Variants in DLGAP2 observed in about 807,000 individuals in gnomAD.
The protein encoded by DLGAP2 is DLG associated protein 2, also known as disks large-associated protein 2.
In DLGAP2, 26 loss-of-function variants were observed where a neutral mutation model predicts 100.3. That is an observed-to-expected ratio of 0.26 (90% CI 0.19 to 0.36). The LOEUF is 0.36. DLGAP2 is among the 10% of genes least tolerant of loss of function. DLGAP2 has a pLI of 1.00. For missense variants in DLGAP2, 1,858 were observed against 1,453.2 expected, an observed-to-expected ratio of 1.28 and a Z score of -4.53; for synonymous variants, 886 against 630.1, an observed-to-expected ratio of 1.41 and a Z score of -6.08.
chr8:1,182,249 C>T (rs1178205706), intron 2 of DLGAP2, among the ~76,000 whole-genome samples: 2 of 152,252 alleles, frequency 1.3e-5, no homozygotes, highest in African/African-American at 4.8e-5. Context: ...GGGGCGACTG[C>T]CATGTTCCTG....
At chr8:963,527 T>G (rs1284774406) in intron 2 of DLGAP2, among the ~76,000 whole-genome samples, 1 of 152,228 alleles carries the variant, frequency 6.6e-6, no homozygotes, top group East Asian at 1.9e-4. Flanking sequence ...TGGATGACTA[T>G]TAAAGTAAGC....
intron 8 of DLGAP2, among the ~76,000 whole-genome samples, chr8:1,663,179 G>A (rs570488169): frequency 1.3e-5 from 2 of 150,640 alleles, no homozygotes; most frequent in East Asian, 3.9e-4. Context: ...GTGTACACGT[G>A]TGAGTGTGGG....
chr8:1,315,259 G>A (rs534999317), intron 3 of DLGAP2, among the ~76,000 whole-genome samples: 6 of 151,770 alleles, frequency 4.0e-5, no homozygotes, highest in South Asian at 4.2e-4. Context: ...GTCTACACTC[G>A]AGAAACTCGG....
intron 1 of DLGAP2, among the ~76,000 whole-genome samples, chr8:827,330 T>G (rs1234724555): frequency 2.0e-5 from 3 of 152,194 alleles, no homozygotes; most frequent in Non-Finnish European, 4.4e-5. Context: ...TTTTCATGGG[T>G]GTTCTTAGGG....
chr8:1,220,664 T>C (rs1326670260), intron 2 of DLGAP2, among the ~76,000 whole-genome samples: 1 of 152,212 alleles, frequency 6.6e-6, no homozygotes, highest in Non-Finnish European at 1.5e-5. Flanking sequence ...TTGTTAGTTT[T>C]CTACCTCAAT....
At position 1,627,271 on chromosome 8, in the gene DLGAP2, C is replaced by A. The variant is rs946239662; in HGVS notation, c.1590+384C>A. 2.0e-5 allele frequency among the ~76,000 whole-genome samples: 3 copies of A among 152,178 alleles called. No individual in the cohort carries two copies. In the East Asian group the frequency reaches 5.8e-4, roughly 29 times the overall value. ...TCTCAGCTCTGTCCTCTGAATTGTG[C>A]CTCAGAAAGTCCTGTGAGAGGATAG... On this transcript the variant is annotated intron_variant, in intron 7 of 14. Coordinates refer to ENST00000637795, the MANE Select transcript of DLGAP2 (RefSeq NM_001346810.2).
intron 5 of DLGAP2, among the ~76,000 whole-genome samples, chr8:1,550,348 G>T (rs971249577): frequency 6.6e-6 from 1 of 152,216 alleles, no homozygotes; most frequent in Non-Finnish European, 1.5e-5. Flanking sequence ...CAGCTCTCAT[G>T]CGTGAGTCTG....
intron 2 of DLGAP2, among the ~76,000 whole-genome samples, chr8:1,045,477 C>T (rs184207671): frequency 1.8e-4 from 27 of 152,332 alleles, no homozygotes; most frequent in African/African-American, 6.3e-4. Context: ...ATGCATTACT[C>T]ACACACTATC....
intron 2 of DLGAP2, among the ~76,000 whole-genome samples, chr8:941,047 C>T (rs1014336126): frequency 6.6e-6 from 1 of 152,178 alleles, no homozygotes; most frequent in Admixed American, 6.5e-5. Context: ...ACCAGAAGCA[C>T]GGTACAGAGC....
intron 8 of DLGAP2, among the ~76,000 whole-genome samples, chr8:1,651,637 T>C (rs4398948): frequency 0.36 from 54,588 of 152,100 alleles, 9,836 homozygotes; most frequent in East Asian, 0.48. Context: ...ACAGCTCCAA[T>C]GGCTTAAGCC....
At chr8:1,476,496 A>T (rs932027809) in intron 3 of DLGAP2, among the ~76,000 whole-genome samples, 25 of 152,112 alleles carry the variant, frequency 1.6e-4, no homozygotes, top group Admixed American at 1.6e-3. Context: ...AGCTGAGTCA[A>T]ACTGATTTCC....
chr8:1,184,344 G>T (rs1043716760), intron 2 of DLGAP2, among the ~76,000 whole-genome samples: 1 of 152,282 alleles, frequency 6.6e-6, no homozygotes, highest in Admixed American at 6.5e-5. Context: ...CCGAAACGCA[G>T]ACTGGAGTGT....
chr8:1,496,715 G>C (rs1177610818), intron 3 of DLGAP2, among the ~76,000 whole-genome samples: 5 of 152,176 alleles, frequency 3.3e-5, no homozygotes, highest in Non-Finnish European at 5.9e-5. Context: ...AGGGTGATCA[G>C]AGATGTTAGA....
intron 3 of DLGAP2, among the ~76,000 whole-genome samples, chr8:1,323,036 T>G (rs1488280367): frequency 2.0e-5 from 3 of 151,942 alleles, no homozygotes; most frequent in Non-Finnish European, 4.4e-5. Flanking sequence ...CTCACAATTT[T>G]TTTTTTTTTT....
intron 2 of DLGAP2, among the ~76,000 whole-genome samples, chr8:1,071,168 G>T (rs1803418212): frequency 6.6e-6 from 1 of 152,222 alleles, no homozygotes; most frequent in Non-Finnish European, 1.5e-5. Flanking sequence ...AGCTGGGGAG[G>T]AGAGGATGGT....
intron 8 of DLGAP2, among the ~76,000 whole-genome samples, chr8:1,647,345 C>G (rs1282791292): frequency 6.6e-6 from 1 of 151,704 alleles, no homozygotes; most frequent in Admixed American, 6.6e-5. Flanking sequence ...AAAAATTAGC[C>G]AGGCGTCGTG....
intron 2 of DLGAP2, among the ~76,000 whole-genome samples, chr8:1,008,232 C>A (rs952376655): frequency 6.6e-6 from 1 of 152,160 alleles, no homozygotes; most frequent in South Asian, 2.1e-4. Flanking sequence ...TTACGTAGAA[C>A]AAATGCTAAG....
chr8:1,493,251 C>T (rs974205242), intron 3 of DLGAP2, among the ~76,000 whole-genome samples: 30 of 152,174 alleles, frequency 2.0e-4, no homozygotes, highest in Non-Finnish European at 4.0e-4. Flanking sequence ...TAGAGGGCTG[C>T]TTTCATCTCC....
At chr8:1,193,677 A>G (rs1251998094) in intron 2 of DLGAP2, among the ~76,000 whole-genome samples, 2 of 152,050 alleles carry the variant, frequency 1.3e-5, no homozygotes, top group Non-Finnish European at 2.9e-5. Context: ...ATCCCATTGA[A>G]GCCACCTGAG....
Sources: allele counts gnomAD v4.1 joint callset (sites outside exome capture counted in the v4.1 genomes callset), GRCh38; gene constraint gnomAD v4.1.1; transcripts MANE v1.5; gene names NCBI Gene and HGNC (gene_info 2026-07-23, HGNC 2026-07-21).